KDM5C: variants seen among roughly 807,000 people sequenced by gnomAD.
KDM5C encodes lysine-specific demethylase 5C.
In KDM5C, 16 loss-of-function variants were observed where a neutral mutation model predicts 110.6. That is an observed-to-expected ratio of 0.14 (90% confidence interval 0.10 to 0.22). The LOEUF is 0.22. Ranked by LOEUF, KDM5C falls within the 10% of genes least tolerant of loss-of-function variation. The pLI is 1.00. For missense variants in KDM5C, 681 were observed against 1,300.9 expected (o/e 0.52, Z 7.33); for synonymous variants, 511 against 520.4 (o/e 0.98, Z 0.24).
intron 25 of KDM5C, among the ~76,000 whole-genome samples, chrX:53,178,460 A>G (rs1933938857): frequency 8.9e-6 from 1 of 112,158 alleles, no homozygotes; most frequent in Non-Finnish European, 1.9e-5. Flanking sequence ...CCATTTATGA[A>G]CAACAATAAA....
intron 3 of KDM5C, 150 bp from the exon 4 acceptor site, chrX:53,218,116 G>T: frequency 2.2e-6 from 2 of 893,520 alleles, no homozygotes; most frequent in Non-Finnish European, 3.2e-6. Flanking sequence ...TCAAATTGCA[G>T]CAAAAGATTC....
chrX:53,187,833 C>T (rs1934270184), downstream of KDM5C, among the ~76,000 whole-genome samples: 1 of 108,566 alleles, frequency 9.2e-6, no homozygotes, highest in South Asian at 4.1e-4. Flanking sequence ...GATCTCGGCT[C>T]ACTGCAAACT....
At chrX:53,199,592 C>T (rs782433196) in intron 14 of KDM5C, among the ~76,000 whole-genome samples, 1 of 111,603 alleles carries the variant, frequency 9.0e-6, no homozygotes, top group African/African-American at 3.3e-5. Flanking sequence ...CCACGCTGGC[C>T]ACTTAGTAGG....
In KDM5C at chrX:53,218,266, C is replaced by T. The variant is rs2146952474; in HGVS notation, c.351+10G>A. 7 of 1,211,526 alleles carry T rather than the reference C, an allele frequency of 5.8e-6. No homozygotes were observed. The highest frequency in any genetic ancestry group is 7.8e-6 in the Non-Finnish European group (7 of 895,329). On this transcript the variant is annotated intron_variant, in intron 3 of 25. Coordinates refer to ENST00000375401, the MANE Select transcript of KDM5C (RefSeq NM_004187.5). ...GGTGGGAGGGGTGCTTGACAAAAACCTGTTCTTACTTTGCTGAGACTGTAG... is the reference window on the plus strand; with the variant it reads ...GGTGGGAGGGGTGCTTGACAAAAACTTGTTCTTACTTTGCTGAGACTGTAG...
chrX:53,209,555 A>AT (rs1302723562), intron 12 of KDM5C, among the ~76,000 whole-genome samples: 1 of 111,907 alleles, frequency 8.9e-6, no homozygotes, highest in African/African-American at 3.3e-5. Flanking sequence ...TGACTATCTC[A>AT]TACATTAGAG....
At chrX:53,199,607 A>C (rs189589998) in intron 14 of KDM5C, among the ~76,000 whole-genome samples, 3 of 111,824 alleles carry the variant, frequency 2.7e-5, no homozygotes, top group African/African-American at 9.8e-5. Context: ...AGTAGGCAGG[A>C]GATACTTGTG....
chrX:53,223,616 TATC>T (rs1341549942), intron 1 of KDM5C, among the ~76,000 whole-genome samples: 1 of 111,957 alleles, frequency 8.9e-6, no homozygotes, highest in Non-Finnish European at 1.9e-5. Flanking sequence ...CACTGAACAT[TATC>T]ATCACTTTTC....
At position 53,192,955 on chromosome X, in the gene KDM5C, G is replaced by A. The variant is rs782749834; in HGVS notation, c.*12C>T. The stretch of plus-strand genomic sequence containing the variant: ...GGGTCTCTGTCAGGGTCTGTGCTAG[G>A]CTCAGCCACTGTCACAACTGTTGCT... On this transcript the variant is annotated 3_prime_UTR_variant, in exon 26 of 26. Coordinates refer to ENST00000375401, the MANE Select transcript of KDM5C (RefSeq NM_004187.5). 5.2e-6 allele frequency: 6 copies of A among 1,161,746 alleles called. No individual in the cohort carries two copies. The highest frequency in any genetic ancestry group is 6.9e-6 in the Non-Finnish European group (6 of 871,066).
rs143291826 is a variant in KDM5C at position 53,194,187 on chromosome X, G to C, written c.3990C>G (p.Ala1330=). 5.2e-4 allele frequency: 633 copies of C among 1,208,603 alleles called. No homozygotes were observed. Among genetic ancestry groups the C allele is most frequent in the Non-Finnish European group, 6.5e-4 (581 of 894,104 alleles). The part of the protein sequence containing the change: ...RPEEPPNYPA[A]PASDPLREGS... ...CCTCTCTGAGGGGGTCAGAAGCAGG[G>C]GCTGCAGGGTAGTTAGGAGGCTCCT... Residue 1330 remains alanine, a synonymous_variant, in exon 23 of 26, where the codon GCC becomes GCG. Transcript: ENST00000375401.
chrX:53,195,718 C>T (rs1359233573), intron 20 of KDM5C, among the ~76,000 whole-genome samples, 198 bp downstream of exon 20: 3 of 111,633 alleles, frequency 2.7e-5, no homozygotes, highest in Non-Finnish European at 3.8e-5. Flanking sequence ...AACCAGTGCC[C>T]TCTCTTCCTT....
Position 53,193,268 on chromosome X carries a change from C to T in KDM5C, c.4382G>A (p.Arg1461Gln), listed in dbSNP as rs782525435. 1.2e-5 allele frequency: 14 copies of T among 1,207,683 alleles called. No homozygotes were observed. Among genetic ancestry groups the T allele is most frequent in the Admixed American group, 1.1e-4 (5 of 46,029 alleles). The change falls in exon 26 of 26, where the codon CGG becomes CAG. Residue 1461 changes from arginine to glutamine, a missense_variant. Around this residue, in one of 14 missense-constraint regions of KDM5C, gnomAD observed 115 missense variants for 120.9 expected, o/e 0.95. Transcript: ENST00000375401. ...GCCCTCCCCACCCCGATCCACCTTC[C>T]GCCGCCGCCGCCTCTCCAGGGCCCG... ...RGRALERRRR[R>Q]KVDRGGEGDD... is the part of the protein sequence containing the mutation.
intron 12 of KDM5C, among the ~76,000 whole-genome samples, chrX:53,206,826 T>G (rs1298274497): frequency 2.5e-5 from 2 of 80,181 alleles, no homozygotes; most frequent in African/African-American, 5.1e-5. Context: ...ATCGCACCAC[T>G]GCACTCCACC....
chrX:53,201,914 G>A lies in KDM5C; in HGVS notation c.1806C>T (p.His602=). 8.2e-7 allele frequency: 1 copy of A among 1,212,249 alleles called. No homozygotes were observed. ...AGTTGTAGCCTTGGTTGAAGCCGCT[G>A]TGGTAAGCACGGGGGAAGGTGATGA... ...EFVITFPRAY[H]SGFNQGYNFA... Residue 602 remains histidine, a synonymous_variant, in exon 13 of 26, where the codon CAC becomes CAT. Transcript: ENST00000375401.
intron 25 of KDM5C, among the ~76,000 whole-genome samples, chrX:53,181,947 C>T (rs1289205381): frequency 1.1e-4 from 12 of 110,065 alleles, no homozygotes; most frequent in Non-Finnish European, 1.9e-4. Context: ...CACCACCACA[C>T]CTGGCTAATT....
chrX:53,204,566 G>T (rs186087883), intron 12 of KDM5C, among the ~76,000 whole-genome samples: 164 of 109,646 alleles, frequency 1.5e-3, no homozygotes, highest in African/African-American at 5.3e-3. Flanking sequence ...GTGTGATCTC[G>T]GCTCATTGTA....
Position 53,192,470 on chromosome X carries a change from T to G in KDM5C, c.*497A>C. 1 of 269,237 alleles carries G rather than the reference T, an allele frequency of 3.7e-6. No individual in the cohort carries two copies. The allele number at this position is 269,237 out of a possible 1,213,427, so 22.2% of individuals were successfully genotyped here. A position where few individuals can be genotyped will look rare whatever the true frequency, so the allele number is the denominator to read the frequency against. ...AAATAAAAAACTGTGAGCACGGCTA[T>G]GTGAAGTTTCCTCCTCCTGGGTGGA... On this transcript the variant is annotated 3_prime_UTR_variant, in exon 26 of 26. Transcript: ENST00000375401.
chrX:53,208,107 G>T (rs782275482), intron 12 of KDM5C, among the ~76,000 whole-genome samples: 1 of 109,172 alleles, frequency 9.2e-6, no homozygotes, highest in Non-Finnish European at 1.9e-5. Context: ...AGCTCCAGCT[G>T]GCTAAACTGC....
chrX:53,217,203 C>T lies in KDM5C; in HGVS notation c.597G>A (p.Gln199=). The T allele has an allele frequency of 6.6e-6, 8 of 1,211,054 alleles. No homozygotes were observed. Among genetic ancestry groups the T allele is most frequent in the Non-Finnish European group, 8.9e-6 (8 of 895,052 alleles). The change falls in exon 5 of 26, where the codon CAG becomes CAA. Residue 199 remains glutamine, a synonymous_variant. Coordinates refer to ENST00000375401, the MANE Select transcript of KDM5C (RefSeq NM_004187.5). ...TGTTGAACTTGGAAGGCTGCACAGACTGTCGTAGGGGGATGCTGTGGGGTT... is the reference window on the plus strand; with the variant it reads ...TGTTGAACTTGGAAGGCTGCACAGATTGTCGTAGGGGGATGCTGTGGGGTT... The part of the protein sequence containing the change: ...EYKPHSIPLR[Q]SVQPSKFNSY...
At chrX:53,197,661 G>C in intron 18 of KDM5C, 110 bp downstream of exon 18, 1 of 605,954 alleles carries the variant, frequency 1.7e-6, no homozygotes, top group South Asian at 2.4e-5. Flanking sequence ...TCTCACACGT[G>C]TGTCCTGTCT....
Sources: allele counts gnomAD v4.1 joint callset (sites outside exome capture counted in the v4.1 genomes callset), GRCh38; gene constraint gnomAD v4.1.1; regional missense constraint gnomAD v4.1.1; transcripts MANE v1.5; gene names NCBI Gene and HGNC (gene_info 2026-07-23, HGNC 2026-07-21).